Variants in GABRB1 observed in about 807,000 individuals in gnomAD.
GABRB1 encodes gamma-aminobutyric acid receptor subunit beta-1.
Under a neutral mutation model 51.6 loss-of-function variants are expected in GABRB1, and 17 were observed. That is an observed-to-expected ratio of 0.33 (90% CI 0.23 to 0.49). GABRB1 has a LOEUF of 0.49. Among genes scored for constraint, GABRB1 ranks in the 20% least tolerant of loss-of-function variants. The pLI, the probability that GABRB1 is intolerant of heterozygous loss-of-function variation, is 0.99. For missense variants in GABRB1, 410 were observed against 600.6 expected (o/e 0.68, Z 3.32); for synonymous variants, 247 against 218.9 (o/e 1.13, Z -1.14).
At chr4:47,325,018 T>C (rs568626632) in intron 5 of GABRB1, among the ~76,000 whole-genome samples, 129 of 152,328 alleles carry the variant, frequency 8.5e-4, no homozygotes, top group African/African-American at 2.5e-3. Context: ...ACTTTTTACC[T>C]GGACCATTGT....
chr4:47,290,071 A>T (rs1371672562), intron 4 of GABRB1, among the ~76,000 whole-genome samples: 1 of 152,212 alleles, frequency 6.6e-6, no homozygotes, highest in African/African-American at 2.4e-5. Flanking sequence ...ATATGTGGGG[A>T]TAGGATGGAA....
chr4:47,231,426 G>C (rs10025516), intron 4 of GABRB1, among the ~76,000 whole-genome samples: 32,091 of 151,916 alleles, frequency 0.21, 3,536 homozygotes, highest in African/African-American at 0.26. Context: ...AGTTTCCAAT[G>C]ATCCTGAAAT....
intron 3 of GABRB1, among the ~76,000 whole-genome samples, chr4:47,123,672 TG>T (rs1715933739): frequency 1.3e-5 from 1 of 77,220 alleles, no homozygotes; most frequent in African/African-American, 5.3e-5. Flanking sequence ...ATATATGATA[TG>T]ATATATCATA....
chr4:47,123,867 A>G (rs1489594151), intron 3 of GABRB1, among the ~76,000 whole-genome samples: 1 of 87,338 alleles, frequency 1.1e-5, no homozygotes, highest in East Asian at 2.7e-4. Context: ...TATATATGAT[A>G]TATATCTTAT....
rs1196726749 is a variant in GABRB1, at chr4:47,303,382, C to CTG, written c.462-16744_462-16743insGT. Among the ~76,000 whole-genome samples the CTG allele has an allele frequency of 3.9e-4, 49 of 126,838 alleles. 1 individual carries two copies. The East Asian group carries it at 0.024, about 61-fold the overall frequency. 83.2% of individuals were successfully genotyped at this position (126,838 alleles called of 152,430 possible). ...TTGAAGGTGTGCTCTCTCTCTCTCT[C>CTG]TCTCTATATATATATATATCATTCT... is the stretch of plus-strand genomic sequence containing the variant. On this transcript the variant is annotated intron_variant, in intron 4 of 8. Transcript: ENST00000295454.
chr4:47,194,495 T>C (rs1185446242), intron 4 of GABRB1, among the ~76,000 whole-genome samples: 4 of 152,138 alleles, frequency 2.6e-5, no homozygotes, highest in Admixed American at 1.3e-4. Context: ...GAAAAAAAAG[T>C]TATTAAATTT....
chr4:47,252,525 T>TTTTTA (rs1722034920), intron 4 of GABRB1, among the ~76,000 whole-genome samples: 2 of 149,722 alleles, frequency 1.3e-5, no homozygotes, highest in African/African-American at 2.5e-5. Context: ...TTTTTTTTTT[T>TTTTTA]GAGATGGAGT....
At chr4:47,267,382 G>A (rs1393135853) in intron 4 of GABRB1, among the ~76,000 whole-genome samples, 1 of 150,736 alleles carries the variant, frequency 6.6e-6, no homozygotes, top group Non-Finnish European at 1.5e-5. Flanking sequence ...AACCAAGCAA[G>A]CCTCATAGAA....
chr4:47,373,109 G>C (rs1403118585), intron 5 of GABRB1, among the ~76,000 whole-genome samples: 1 of 152,132 alleles, frequency 6.6e-6, no homozygotes, highest in African/African-American at 2.4e-5. Flanking sequence ...TCCCTTCCTT[G>C]CAGCTGTTCC....
intron 3 of GABRB1, among the ~76,000 whole-genome samples, chr4:47,144,924 A>G (rs12500136): frequency 0.049 from 7,427 of 152,010 alleles, 457 homozygotes; most frequent in East Asian, 0.17. Context: ...GTATGATGCT[A>G]CAGGAGAGAG....
Position 47,254,260 on chromosome 4 carries a change from CT to C in GABRB1, c.462-65866del, listed in dbSNP as rs1485142470. Among the ~76,000 whole-genome samples the C allele has an allele frequency of 3.3e-5, 5 of 151,860 alleles. No individual in the cohort carries two copies. In the East Asian group the frequency reaches 9.7e-4, roughly 29 times the overall value. On this transcript the variant is annotated intron_variant, in intron 4 of 8. Coordinates refer to ENST00000295454, the MANE Select transcript of GABRB1 (RefSeq NM_000812.4). ...AGGTTTTCCAGTAACCCTGATACCC[CT>C]GTCCCCACCCCATTAAATACTCAAC...
chr4:47,306,105 A>C (rs569933445), intron 4 of GABRB1, among the ~76,000 whole-genome samples: 1 of 152,266 alleles, frequency 6.6e-6, no homozygotes, highest in East Asian at 1.9e-4. Flanking sequence ...GGTTAAAAAT[A>C]TAACAACATG....
chr4:47,216,099 A>T (rs1720546949), intron 4 of GABRB1, among the ~76,000 whole-genome samples: 1 of 152,058 alleles, frequency 6.6e-6, no homozygotes, highest in Non-Finnish European at 1.5e-5. Context: ...AAAACAGATT[A>T]TAAATAGATA....
intron 3 of GABRB1, among the ~76,000 whole-genome samples, chr4:47,055,487 A>G (rs1485936762): frequency 6.6e-6 from 1 of 152,182 alleles, no homozygotes; most frequent in African/African-American, 2.4e-5. Context: ...TTACACGAGC[A>G]TGCACTTTGT....
intron 5 of GABRB1, among the ~76,000 whole-genome samples, chr4:47,393,137 A>G (rs1728063034): frequency 6.6e-6 from 1 of 152,182 alleles, no homozygotes; most frequent in Non-Finnish European, 1.5e-5. Flanking sequence ...GTGATCCTGG[A>G]ATCAATGTGG....
chr4:47,411,129 C>G (rs1728748252), intron 8 of GABRB1, among the ~76,000 whole-genome samples: 1 of 152,056 alleles, frequency 6.6e-6, no homozygotes, highest in Non-Finnish European at 1.5e-5. Context: ...AAACATTTGT[C>G]AACAGAAACA....
At chr4:47,035,636 C>G (rs1725519875) in intron 3 of GABRB1, among the ~76,000 whole-genome samples, 1 of 151,932 alleles carries the variant, frequency 6.6e-6, no homozygotes. Flanking sequence ...TTCTGCCAAG[C>G]CACAGACACA....
At chr4:47,238,787 A>G (rs1721421118) in intron 4 of GABRB1, among the ~76,000 whole-genome samples, 1 of 152,252 alleles carries the variant, frequency 6.6e-6, no homozygotes, top group African/African-American at 2.4e-5. Flanking sequence ...ACCATGCTAG[A>G]AATTCTTATG....
chr4:47,315,180 A>G (rs575130390), intron 4 of GABRB1, among the ~76,000 whole-genome samples: 3 of 152,188 alleles, frequency 2.0e-5, no homozygotes, highest in South Asian at 2.1e-4. Flanking sequence ...AAGAACTTAA[A>G]GAAATCAACA....
Sources: gnomAD v4.1 joint callset for allele counts (sites outside exome capture counted in the v4.1 genomes callset) on GRCh38, gnomAD v4.1.1 for gene constraint, MANE v1.5 for transcripts, NCBI Gene and HGNC (gene_info 2026-07-23, HGNC 2026-07-21) for gene names.